GADL1: variants seen among roughly 807,000 people sequenced by gnomAD.
GADL1 encodes the protein acidic amino acid decarboxylase GADL1.
Under a neutral mutation model 69.5 loss-of-function variants are expected in GADL1, and 71 were observed. The observed-to-expected ratio is 1.02, with a 90% CI of 0.84 to 1.25. The LOEUF is 1.25. Ranked by LOEUF, GADL1 falls within the 50% of genes most tolerant of loss-of-function variation. The pLI is 0.00. For missense variants in GADL1, 737 were observed against 631.8 expected, an observed-to-expected ratio of 1.17 and a Z score of -1.79; for synonymous variants, 254 against 214.4, an observed-to-expected ratio of 1.18 and a Z score of -1.62.
chr3:30,772,123 T>C (rs1372857560), intron 14 of GADL1, among the ~76,000 whole-genome samples: 1 of 151,814 alleles, frequency 6.6e-6, no homozygotes, highest in Non-Finnish European at 1.5e-5. Flanking sequence ...TCTAAAGATA[T>C]CTGGAATATC....
intron 3 of GADL1, among the ~76,000 whole-genome samples, chr3:30,855,542 C>T (rs992989647): frequency 6.6e-6 from 1 of 152,044 alleles, no homozygotes; most frequent in East Asian, 1.9e-4. Flanking sequence ...ACATACACTT[C>T]TGATTCAATT....
In GADL1 at chr3:30,833,858, T is replaced by G; in HGVS notation, c.1045A>C (p.Lys349Gln). ...IQCCALLVKD[K>Q]SDLLKKCYSA... ...ACCACAAGAGGAAAACTTACAGATT[T>G]GTCTTTCACAAGGAGAGCACAGCAC... Residue 349 changes from lysine (K) to glutamine (Q), a missense_variant, in exon 11 of 15, where the codon AAA (lysine) becomes CAA (glutamine). Physicochemically the swap from Lys to Gln is moderately conservative, Grantham distance 53. Coordinates refer to ENST00000282538, the MANE Select transcript of GADL1 (RefSeq NM_207359.3). 1 of 1,611,282 alleles carries G rather than the reference T, an allele frequency of 6.2e-7. No individual in the cohort carries two copies. The highest frequency in any genetic ancestry group is 8.5e-7 in the Non-Finnish European group (1 of 1,177,894).
chr3:30,808,000 C>T (rs1025831821), intron 11 of GADL1, among the ~76,000 whole-genome samples: 7 of 152,134 alleles, frequency 4.6e-5, no homozygotes, highest in African/African-American at 1.7e-4. Flanking sequence ...CCACTGCACT[C>T]CAGCCTGGGC....
chr3:30,755,484 AAG>A (rs1695946156), intron 14 of GADL1, among the ~76,000 whole-genome samples: 2 of 152,342 alleles, frequency 1.3e-5, no homozygotes, highest in South Asian at 4.1e-4. Flanking sequence ...AGTAACCTGA[AAG>A]ATAAGTGAAG....
At chr3:30,758,252 T>C (rs1287193212) in intron 14 of GADL1, among the ~76,000 whole-genome samples, 1 of 152,242 alleles carries the variant, frequency 6.6e-6, no homozygotes, top group Non-Finnish European at 1.5e-5. Context: ...ACCAAGTATG[T>C]ATTCTTAGTG....
chr3:30,794,685 G>T (rs996977909), intron 12 of GADL1, among the ~76,000 whole-genome samples: 8 of 152,114 alleles, frequency 5.3e-5, no homozygotes, highest in Non-Finnish European at 1.2e-4. Flanking sequence ...AGCCTTAGAG[G>T]TCTCCTAGGC....
chr3:30,811,252 AT>A (rs1697349752), intron 11 of GADL1, among the ~76,000 whole-genome samples: 1 of 152,204 alleles, frequency 6.6e-6, no homozygotes, highest in African/African-American at 2.4e-5. Flanking sequence ...GAACTAAGAT[AT>A]TTTTAGAAAT....
At chr3:30,784,633 C>T (rs1575203748) in intron 13 of GADL1, among the ~76,000 whole-genome samples, 1 of 152,322 alleles carries the variant, frequency 6.6e-6, no homozygotes, top group East Asian at 1.9e-4. Context: ...TGTCATATTT[C>T]ACTTTGGCTA....
At chr3:30,788,312 G>A (rs1425285031) in intron 12 of GADL1, among the ~76,000 whole-genome samples, 1 of 152,190 alleles carries the variant, frequency 6.6e-6, no homozygotes, top group Non-Finnish European at 1.5e-5. Context: ...CTGCAGGAAA[G>A]TTCCTCAGTG....
At chr3:30,730,855 A>G (rs772647211) in intron 14 of GADL1, among the ~76,000 whole-genome samples, 20 of 151,278 alleles carry the variant, frequency 1.3e-4, no homozygotes, top group Non-Finnish European at 2.7e-4. Context: ...GTGCATAAGC[A>G]TGTGTGTGTG....
rs552223670 is a variant in GADL1 at position 30,816,953 on chromosome 3, T to G, written c.1051-15865A>C. Among the ~76,000 whole-genome samples the G allele has an allele frequency of 7.9e-5, 12 of 152,254 alleles. No individual in the cohort carries two copies. The East Asian group carries it at 2.1e-3, about 27-fold the overall frequency. ...CTATTCCTGTCCCATATCCAATCAC[T>G]TATATAGTCCCCAAGCCTATCACTG... On this transcript the variant is annotated intron_variant, in intron 11 of 14. Transcript: ENST00000282538.
intron 13 of GADL1, among the ~76,000 whole-genome samples, chr3:30,782,002 C>CA (rs1553638654): frequency 7.3e-6 from 1 of 136,634 alleles, no homozygotes; most frequent in Non-Finnish European, 1.5e-5. Flanking sequence ...AATTAATAAG[C>CA]AAAGCTTTCT....
chr3:30,771,073 T>C (rs989217065), intron 14 of GADL1, among the ~76,000 whole-genome samples: 1 of 152,124 alleles, frequency 6.6e-6, no homozygotes, highest in African/African-American at 2.4e-5. Flanking sequence ...AAGAATTTTA[T>C]TGGAACTTTT....
chr3:30,800,802 G>A (rs1386659775), intron 12 of GADL1, 87 bp downstream of exon 12: 1 of 1,007,560 alleles, frequency 9.9e-7, no homozygotes, highest in Non-Finnish European at 1.4e-6. Flanking sequence ...TACAGACACA[G>A]ATAGACACAC....
intron 11 of GADL1, among the ~76,000 whole-genome samples, chr3:30,827,505 AC>A (rs1350062500): frequency 1.3e-5 from 2 of 152,030 alleles, no homozygotes; most frequent in African/African-American, 4.8e-5. Flanking sequence ...CAATGGTAAT[AC>A]CAACAAATCC....
intron 11 of GADL1, among the ~76,000 whole-genome samples, chr3:30,826,340 CTG>C (rs771569640): frequency 2.6e-5 from 4 of 151,898 alleles, no homozygotes; most frequent in Non-Finnish European, 4.4e-5. Context: ...CTGAAGTCCT[CTG>C]TGATGACTGG....
intron 13 of GADL1, chr3:30,779,148 C>T (rs1696602376): frequency 1.3e-5 from 2 of 152,196 alleles, no homozygotes; most frequent in African/African-American, 4.8e-5. Flanking sequence ...GCTTTGTCCT[C>T]ACTGGACAAA....
intron 11 of GADL1, among the ~76,000 whole-genome samples, chr3:30,818,317 T>A (rs1697510293): frequency 6.6e-6 from 1 of 152,214 alleles, no homozygotes. Context: ...TTGTTAGAAG[T>A]TTTAAAATTA....
chr3:30,792,004 T>TAGA (rs1696931916), intron 12 of GADL1, among the ~76,000 whole-genome samples: 1 of 152,164 alleles, frequency 6.6e-6, no homozygotes, highest in Admixed American at 6.5e-5. Context: ...GAACCTCTTT[T>TAGA]TCTTTATAAA....
Sources: gnomAD v4.1 joint callset for allele counts (sites outside exome capture counted in the v4.1 genomes callset) on GRCh38, gnomAD v4.1.1 for gene constraint, MANE v1.5 for transcripts, NCBI Gene and HGNC (gene_info 2026-07-23, HGNC 2026-07-21) for gene names.